The following CSMD1 variants were observed in gnomAD, a reference collection of about 807,000 sequenced individuals.
CSMD1 encodes CUB and sushi domain-containing protein 1.
CSMD1 carries 213 observed loss-of-function variants against 417.5 expected under a neutral mutation model. The ratio of observed to expected loss-of-function variants is 0.51; its 90% CI spans 0.46 to 0.57. The LOEUF (loss-of-function observed/expected upper bound fraction) is 0.57. Ranked by LOEUF, CSMD1 falls within the 20% of genes least tolerant of loss-of-function variation. CSMD1 has a pLI of 0.00. For missense variants in CSMD1, 6,923 were observed against 4,529.7 expected, an observed-to-expected ratio of 1.53 and a Z score of -15.17; for synonymous variants, 2,862 against 1,736.8, an observed-to-expected ratio of 1.65 and a Z score of -16.11.
intron 9 of CSMD1, among the ~76,000 whole-genome samples, chr8:3,579,636 T>A (rs1800297810): frequency 6.6e-6 from 1 of 152,216 alleles, no homozygotes; most frequent in African/African-American, 2.4e-5. Context: ...AGAACTTCCT[T>A]TCCTTCACCA....
chr8:4,771,996 A>G (rs1218596256), intron 1 of CSMD1, among the ~76,000 whole-genome samples: 1 of 152,068 alleles, frequency 6.6e-6, no homozygotes, highest in Non-Finnish European at 1.5e-5. Flanking sequence ...AACAAGACCC[A>G]TGTCTCGTTT....
intron 5 of CSMD1, among the ~76,000 whole-genome samples, chr8:3,859,390 G>A (rs896517977): frequency 6.6e-6 from 1 of 152,002 alleles, no homozygotes; most frequent in African/African-American, 2.4e-5. Context: ...AAATATCTTT[G>A]GAAATATATT....
intron 5 of CSMD1, among the ~76,000 whole-genome samples, chr8:3,923,445 G>C (rs1476958035): frequency 6.6e-6 from 1 of 151,890 alleles, no homozygotes; most frequent in East Asian, 1.9e-4. Flanking sequence ...TGGATCATTT[G>C]CTTATTATAT....
At chr8:4,145,557 G>T (rs1267769020) in intron 3 of CSMD1, among the ~76,000 whole-genome samples, 2 of 150,836 alleles carry the variant, frequency 1.3e-5, no homozygotes, top group East Asian at 1.9e-4. Context: ...TTATTACATT[G>T]TTATTATTTT....
At chr8:4,464,777 G>C (rs1183555931) in intron 2 of CSMD1, among the ~76,000 whole-genome samples, 4 of 152,134 alleles carry the variant, frequency 2.6e-5, no homozygotes, top group African/African-American at 4.8e-5. Context: ...GAGTGGGGTG[G>C]GGCTGGGCTG....
rs1283427821 is a variant in CSMD1, at chr8:3,498,009, T to G, written c.1345-4283A>C. 4.6e-5 allele frequency among the ~76,000 whole-genome samples: 7 copies of G among 152,352 alleles called. No homozygotes were observed. In the East Asian group the frequency reaches 1.4e-3, roughly 29 times the overall value. On this transcript the variant is annotated intron_variant, in intron 10 of 69. Coordinates refer to ENST00000635120, the MANE Select transcript of CSMD1 (RefSeq NM_033225.6). ...CAGTAGTGATAAATTTTTATTAGCT[T>G]TTCCTCATCCGGGAATAATTTTATT...
chr8:3,518,182 A>G (rs1797359950), intron 10 of CSMD1, among the ~76,000 whole-genome samples: 1 of 152,194 alleles, frequency 6.6e-6, no homozygotes, highest in African/African-American at 2.4e-5. Context: ...TATGGTTATT[A>G]GCGAACTATG....
At position 4,095,115 on chromosome 8, in the gene CSMD1, A is replaced by G. The variant is rs75248250; in HGVS notation, c.416-63016T>C. Among the ~76,000 whole-genome samples, 644 of 152,254 alleles carry G rather than the reference A, an allele frequency of 4.2e-3. 7 individuals carry two copies. The highest frequency in any genetic ancestry group is 0.015 in the African/African-American group (625 of 41,552). On this transcript the variant is annotated intron_variant, in intron 3 of 69. Coordinates refer to ENST00000635120, the MANE Select transcript of CSMD1 (RefSeq NM_033225.6). The stretch of plus-strand genomic sequence containing the variant: ...CAGAGGAAACAAAGTGACGTGACGG[A>G]TATGGAAAGAACTTGGGAGGAAGAG...
intron 3 of CSMD1, among the ~76,000 whole-genome samples, chr8:4,409,701 G>C (rs141616093): frequency 4.7e-5 from 7 of 150,168 alleles, no homozygotes; most frequent in Middle Eastern, 3.4e-3. Context: ...CACAGAGAAG[G>C]AGAAGGTGGA....
At chr8:4,372,020 G>A (rs987736365) in intron 3 of CSMD1, among the ~76,000 whole-genome samples, 1 of 151,824 alleles carries the variant, frequency 6.6e-6, no homozygotes, top group Non-Finnish European at 1.5e-5. Flanking sequence ...GGTTCAGCAC[G>A]ATATAGCTAC....
At chr8:4,503,877 G>C (rs1056989542) in intron 2 of CSMD1, among the ~76,000 whole-genome samples, 3 of 150,742 alleles carry the variant, frequency 2.0e-5, no homozygotes, top group African/African-American at 7.3e-5. Context: ...TGGTAAACAA[G>C]AGATTTTCCT....
chr8:4,648,792 G>A (rs371996059), intron 1 of CSMD1, among the ~76,000 whole-genome samples: 10 of 152,238 alleles, frequency 6.6e-5, no homozygotes, highest in South Asian at 2.1e-4. Flanking sequence ...ATCAGATGCC[G>A]GCTGATGCCA....
rs116544956 is a variant in CSMD1, at chr8:3,558,302, T to G, written c.1344+16643A>C. On this transcript the variant is annotated intron_variant, in intron 10 of 69. Transcript: ENST00000635120. Reference sequence around the variant, plus strand: ...TGAATGGTGCCTCAATGGAACTCCGTGTTCACTCCTCCAATGATGAATGAT... The same window carrying G: ...TGAATGGTGCCTCAATGGAACTCCGGGTTCACTCCTCCAATGATGAATGAT... 2.0e-3 allele frequency among the ~76,000 whole-genome samples: 288 copies of G among 144,392 alleles called. 1 individual carries two copies. Among genetic ancestry groups the G allele is most frequent in the African/African-American group, 6.8e-3 (274 of 40,040 alleles). The allele number at this position is 144,392 out of a possible 152,430, so 94.7% of individuals were successfully genotyped here.
intron 1 of CSMD1, among the ~76,000 whole-genome samples, chr8:4,774,460 C>T (rs541485502): frequency 5.9e-5 from 9 of 151,982 alleles, no homozygotes; most frequent in Non-Finnish European, 8.8e-5. Context: ...TCTAACAATG[C>T]CATTTAGAGT....
chr8:4,209,546 C>T (rs550570153), intron 3 of CSMD1, among the ~76,000 whole-genome samples: 2 of 152,312 alleles, frequency 1.3e-5, no homozygotes, highest in Admixed American at 6.5e-5. Context: ...AGATTCCTTG[C>T]TGCCATGCTG....
At chr8:4,738,665 G>T (rs1463893652) in intron 1 of CSMD1, among the ~76,000 whole-genome samples, 1 of 151,608 alleles carries the variant, frequency 6.6e-6, no homozygotes, top group Non-Finnish European at 1.5e-5. Context: ...GTCATTTTTT[G>T]ACAAAGTAAA....
At chr8:4,143,525 T>C (rs1428177153) in intron 3 of CSMD1, among the ~76,000 whole-genome samples, 1 of 150,990 alleles carries the variant, frequency 6.6e-6, no homozygotes, top group African/African-American at 2.5e-5. Flanking sequence ...TGATATTAAG[T>C]TTATATCAAA....
At chr8:4,152,362 G>A (rs924748126) in intron 3 of CSMD1, among the ~76,000 whole-genome samples, 7 of 152,076 alleles carry the variant, frequency 4.6e-5, no homozygotes, top group African/African-American at 1.7e-4. Context: ...AAGCAGGAAT[G>A]CTTATGTACT....
At chr8:2,964,293 G>C (rs915315098) in intron 59 of CSMD1, among the ~76,000 whole-genome samples, 1 of 152,182 alleles carries the variant, frequency 6.6e-6, no homozygotes, top group Non-Finnish European at 1.5e-5. Flanking sequence ...GTTGGAAATG[G>C]GTCCTTCCCT....
Sources: allele counts gnomAD v4.1 joint callset (sites outside exome capture counted in the v4.1 genomes callset), GRCh38; gene constraint gnomAD v4.1.1; transcripts MANE v1.5; gene names NCBI Gene and HGNC (gene_info 2026-07-23, HGNC 2026-07-21).